The following FAM89B variants were observed in gnomAD, a reference collection of about 807,000 sequenced individuals.
FAM89B encodes the protein leucine repeat adapter protein 25.
In FAM89B, 9 loss-of-function variants were observed where a neutral mutation model predicts 13.4. The ratio of observed to expected loss-of-function variants is 0.67; its 90% CI spans 0.40 to 1.17. The LOEUF (loss-of-function observed/expected upper bound fraction) is 1.17. FAM89B is among the 50% of genes most tolerant of loss of function. FAM89B has a pLI of 0.01. For synonymous variants in FAM89B, 138 were observed against 121.2 expected (o/e 1.14, Z -0.91); for missense variants, 256 against 256.1 (o/e 1.00, Z 0.00).
At chr11:65,572,990 C>CG (rs1206686276) in intron 1 of FAM89B, 30 bp downstream of exon 1, 5 of 1,226,368 alleles carry the variant, frequency 4.1e-6, no homozygotes, top group East Asian at 3.2e-5. Flanking sequence ...GCCAGCTGGG[C>CG]GGGGGGCTGA....
At position 65,572,891 on chromosome 11, in the gene FAM89B, G is replaced by T. The variant is rs1166806360; in HGVS notation, c.222G>T (p.Ala74=). 4 of 1,210,344 alleles carry T rather than the reference G, an allele frequency of 3.3e-6. No individual in the cohort carries two copies. Among genetic ancestry groups the T allele is most frequent in the Non-Finnish European group, 4.1e-6 (4 of 977,536 alleles). The allele number at this position is 1,210,344 out of a possible 1,614,324, so 75.0% of individuals were successfully genotyped here. A position where few individuals can be genotyped will look rare whatever the true frequency, so the allele number is the denominator to read the frequency against. ...GPRHAAGAAN[A]GPAAGPRRPV... is the part of the protein sequence containing the mutation. ...GCCACGCCGCCGGCGCCGCCAACGC[G>T]GGACCCGCAGCCGGCCCGCGTCGTC... The change falls in exon 1 of 2, where the codon GCG becomes GCT. Residue 74 remains alanine, a synonymous_variant. Transcript: ENST00000530349.
rs943395701 is a variant in FAM89B, at chr11:65,573,613, T to C, written c.542T>C (p.Leu181Pro). 6.2e-7 allele frequency: 1 copy of C among 1,609,868 alleles called. No homozygotes were observed. Among genetic ancestry groups the C allele is most frequent in the Non-Finnish European group, 8.5e-7 (1 of 1,179,556 alleles). ...PQTHNARDQW[L>P]QDAFHISL is the part of the protein sequence containing the mutation. ...ACGCACAATGCCCGTGACCAGTGGC[T>C]GCAGGATGCCTTCCACATCAGCCTC... Residue 181 changes from leucine to proline, a missense_variant, in exon 2 of 2, where the codon CTG becomes CCG. Coordinates refer to ENST00000530349, the MANE Select transcript of FAM89B (RefSeq NM_001098785.2).
At chr11:65,573,257 T>A in intron 1 of FAM89B, 106 bp from the exon 2 acceptor site, 1 of 1,335,588 alleles carries the variant, frequency 7.5e-7, no homozygotes, top group Non-Finnish European at 9.8e-7. Flanking sequence ...AAAAACTTCG[T>A]TTAGGAAGGT....
Position 65,573,461 on chromosome 11 carries a change from C to T in FAM89B, c.390C>T (p.Phe130=). The change falls in exon 2 of 2, where the codon TTC becomes TTT. Residue 130 remains phenylalanine (F), a synonymous_variant. Coordinates refer to ENST00000530349, the MANE Select transcript of FAM89B (RefSeq NM_001098785.2). Reference sequence around the variant, plus strand: ...AACACCTGTGCCAAGACCTGAGCTTCTGCCAGGACCTGTCATCCTCCCTCC... The same window carrying T: ...AACACCTGTGCCAAGACCTGAGCTTTTGCCAGGACCTGTCATCCTCCCTCC... ...DYKHLCQDLS[F]CQDLSSSLHS... is the part of the protein sequence containing the mutation. 6.2e-7 allele frequency: 1 copy of T among 1,614,082 alleles called. No homozygotes were observed. The highest frequency in any genetic ancestry group is 8.5e-7 in the Non-Finnish European group (1 of 1,179,942).
rs1857170160 is a variant in FAM89B, at chr11:65,573,533, G to A, written c.462G>A (p.Glu154=). 1 of 1,613,966 alleles carries A rather than the reference G, an allele frequency of 6.2e-7. No individual in the cohort carries two copies. Among genetic ancestry groups the A allele is most frequent in the Non-Finnish European group, 8.5e-7 (1 of 1,180,034 alleles). Residue 154 remains glutamate (E), a synonymous_variant, in exon 2 of 2, where the codon GAG becomes GAA. Coordinates refer to ENST00000530349, the MANE Select transcript of FAM89B (RefSeq NM_001098785.2). The part of the protein sequence containing the change: ...YPPDAGLSDD[E]EPPDASLPPD... ...CGGATGCGGGCCTGTCTGACGACGA[G>A]GAGCCTCCCGATGCCAGCCTGCCTC...
Position 65,574,006 on chromosome 11 carries a change from T to G in FAM89B, c.*365T>G. The stretch of plus-strand genomic sequence containing the variant: ...GCTCCCATCTCCTCCTCACCTTTTG[T>G]TGCTATCGGCAGCTGCTGGCTCAGG... On this transcript the variant is annotated 3_prime_UTR_variant, in exon 2 of 2. Transcript: ENST00000530349. The G allele has an allele frequency of 5.1e-6, 1 of 196,370 alleles. No individual in the cohort carries two copies. Among genetic ancestry groups the G allele is most frequent in the Non-Finnish European group, 1.0e-5 (1 of 95,474 alleles). 12.2% of individuals were successfully genotyped at this position (196,370 alleles called of 1,614,324 possible). A position where few individuals can be genotyped will look rare whatever the true frequency, so the allele number is the denominator to read the frequency against.
Position 65,572,866 on chromosome 11 carries a change from G to T in FAM89B, c.197G>T (p.Arg66Leu). Reference protein sequence around the residue: ...SRAARAPDGPRHAAGAANAGP... With the variant: ...SRAARAPDGPLHAAGAANAGP... ...GCCGCCCGCGCCCCGGACGGGCCCC[G>T]CCACGCCGCCGGCGCCGCCAACGCG... The change falls in exon 1 of 2, where the codon CGC (arginine) becomes CTC (leucine). Residue 66 changes from arginine to leucine, a missense_variant. Arg to Leu is a moderately radical substitution (Grantham distance 102). Coordinates refer to ENST00000530349, the MANE Select transcript of FAM89B (RefSeq NM_001098785.2). 1 of 1,196,494 alleles carries T rather than the reference G, an allele frequency of 8.4e-7. No homozygotes were observed. The highest frequency in any genetic ancestry group is 3.6e-5 in the East Asian group (1 of 27,424). The allele number at this position is 1,196,494 out of a possible 1,614,324, so 74.1% of individuals were successfully genotyped here. A position where few individuals can be genotyped will look rare whatever the true frequency, so the allele number is the denominator to read the frequency against.
rs1052709858 is a variant in FAM89B at position 65,572,662 on chromosome 11, C to T, written c.-8C>T. 2 of 1,171,380 alleles carry T rather than the reference C, an allele frequency of 1.7e-6. No individual in the cohort carries two copies. The highest frequency in any genetic ancestry group is 2.1e-6 in the Non-Finnish European group (2 of 951,326). The allele number at this position is 1,171,380 out of a possible 1,614,324, so 72.6% of individuals were successfully genotyped here. A position where few individuals can be genotyped will look rare whatever the true frequency, so the allele number is the denominator to read the frequency against. ...GAGGTGGCATCGCCGTCCGCGCCGG[C>T]CCCGGCCATGAACGGGCTGCCCTCG... On this transcript the variant is annotated 5_prime_UTR_variant, in exon 1 of 2. Coordinates refer to ENST00000530349, the MANE Select transcript of FAM89B (RefSeq NM_001098785.2).
chr11:65,572,563 G>C lies in FAM89B; in HGVS notation c.-107G>C. On this transcript the variant is annotated 5_prime_UTR_variant, in exon 1 of 2. Coordinates refer to ENST00000530349, the MANE Select transcript of FAM89B (RefSeq NM_001098785.2). ...AAGGAACAAAGCGAGGCCTGCGGGC[G>C]GCGGCTGGGCTCCGGCGGGGCCGCG... 1 of 1,432,932 alleles carries C rather than the reference G, an allele frequency of 7.0e-7. No homozygotes were observed. Among genetic ancestry groups the C allele is most frequent in the Admixed American group, 2.2e-5 (1 of 45,236 alleles). The allele number at this position is 1,432,932 out of a possible 1,614,324, so 88.8% of individuals were successfully genotyped here.
At position 65,573,416 on chromosome 11, in the gene FAM89B, C is replaced by G. The variant is rs142713898; in HGVS notation, c.345C>G (p.Tyr115Ter). Reference protein sequence around the residue: ...MSLLCQLWGLYESIQDYKHLC... With the variant: ...MSLLCQLWGL ...TGTTGTGCCAGCTGTGGGGCCTGTA[C>G]GAGTCAATCCAGGACTACAAACACC... The change falls in exon 2 of 2, where the codon TAC (tyrosine) becomes TAG (stop). Residue 115 changes from tyrosine to a stop codon, truncating the protein, a stop_gained. Coordinates refer to ENST00000530349, the MANE Select transcript of FAM89B (RefSeq NM_001098785.2). LOFTEE classifies it high-confidence loss of function. 1.2e-6 allele frequency: 2 copies of G among 1,602,574 alleles called. No homozygotes were observed. The highest frequency in any genetic ancestry group is 1.7e-6 in the Non-Finnish European group (2 of 1,171,548).
Position 65,573,734 on chromosome 11 carries a change from C to A in FAM89B, c.*93C>A, listed in dbSNP as rs112380292. ...AGACTTCGGAGCCTGCGCCTTCCCC[C>A]CTACCGCCTCACCTCACAGGAGGGC... On this transcript the variant is annotated 3_prime_UTR_variant, in exon 2 of 2. Transcript: ENST00000530349. 28 of 1,409,790 alleles carry A rather than the reference C, an allele frequency of 2.0e-5. No homozygotes were observed. The highest frequency in any genetic ancestry group is 1.7e-4 in the African/African-American group (12 of 70,034). 87.3% of individuals were successfully genotyped at this position (1,409,790 alleles called of 1,614,324 possible).
Position 65,573,502 on chromosome 11 carries a change from A to T in FAM89B, c.431A>T (p.Tyr144Phe). ...LSSSLHSDSS[Y>F]PPDAGLSDDE... ...TCCTCCCTCCATTCGGACAGCTCCT[A>T]CCCACCGGATGCGGGCCTGTCTGAC... The change falls in exon 2 of 2, where the codon TAC becomes TTC. Residue 144 changes from tyrosine to phenylalanine, a missense_variant. Physicochemically the swap from Tyr to Phe is conservative, Grantham distance 22 (BLOSUM62 3). Transcript: ENST00000530349. The T allele has an allele frequency of 6.2e-7, 1 of 1,614,092 alleles. No individual in the cohort carries two copies.
At position 65,573,283 on chromosome 11, in the gene FAM89B, T is replaced by G. The variant is rs186744049; in HGVS notation, c.292-80T>G. 18 of 1,373,898 alleles carry G rather than the reference T, an allele frequency of 1.3e-5. No homozygotes were observed. The African/African-American group carries it at 2.6e-4, about 20-fold the overall frequency. 85.1% of individuals were successfully genotyped at this position (1,373,898 alleles called of 1,614,324 possible). A position where few individuals can be genotyped will look rare whatever the true frequency, so the allele number is the denominator to read the frequency against. On this transcript the variant is annotated intron_variant, in intron 1 of 1. Transcript: ENST00000530349. The stretch of plus-strand genomic sequence containing the variant: ...TTAGGAAGGTGCGGGGAAGATGGGC[T>G]GGGGCCCACTATTCCAGGGGGCGGG...
chr11:65,572,833 T>A lies in FAM89B; in HGVS notation c.164T>A (p.Leu55Gln), dbSNP rs1247619396. The part of the protein sequence containing the change: ...YSQRSRIHDE[L>Q]SRAARAPDGP... ...CAGCGCAGCCGCATCCACGACGAGCTGAGCCGCGCCGCCCGCGCCCCGGAC... is the reference window on the plus strand; with the variant it reads ...CAGCGCAGCCGCATCCACGACGAGCAGAGCCGCGCCGCCCGCGCCCCGGAC... Residue 55 changes from leucine to glutamine, a missense_variant, in exon 1 of 2, where the codon CTG becomes CAG. Physicochemically the swap from Leu to Gln is moderately radical, Grantham distance 113. Transcript: ENST00000530349. 8.4e-7 allele frequency: 1 copy of A among 1,196,694 alleles called. No homozygotes were observed. The highest frequency in any genetic ancestry group is 1.6e-5 in the African/African-American group (1 of 62,160). The allele number at this position is 1,196,694 out of a possible 1,614,324, so 74.1% of individuals were successfully genotyped here.
Position 65,572,603 on chromosome 11 carries a change from C to T in FAM89B, c.-67C>T. The T allele has an allele frequency of 8.2e-7, 1 of 1,217,990 alleles. No homozygotes were observed. Among genetic ancestry groups the T allele is most frequent in the South Asian group, 3.7e-5 (1 of 27,174 alleles). The allele number at this position is 1,217,990 out of a possible 1,614,324, so 75.4% of individuals were successfully genotyped here. A position where few individuals can be genotyped will look rare whatever the true frequency, so the allele number is the denominator to read the frequency against. ...GCGGGGCCGCGGGGTGCGGGGCCTG[C>T]GGGCGGCGGCCCGGGCGGAGCGTTG... is the stretch of plus-strand genomic sequence containing the variant. On this transcript the variant is annotated 5_prime_UTR_variant, in exon 1 of 2. Transcript: ENST00000530349.
rs930114907 is a variant in FAM89B, at chr11:65,573,970, A to C, written c.*329A>C. The C allele has an allele frequency of 3.7e-6, 1 of 271,626 alleles. No homozygotes were observed. The highest frequency in any genetic ancestry group is 6.8e-5 in the South Asian group (1 of 14,664). The allele number at this position is 271,626 out of a possible 1,614,324, so 16.8% of individuals were successfully genotyped here. Reference sequence around the variant, plus strand: ...TCCGCTTGGCGTCTCTGGGATTGGGATGAGTGCCTGGCTCCCATCTCCTCC... The same window carrying C: ...TCCGCTTGGCGTCTCTGGGATTGGGCTGAGTGCCTGGCTCCCATCTCCTCC... On this transcript the variant is annotated 3_prime_UTR_variant, in exon 2 of 2. Coordinates refer to ENST00000530349, the MANE Select transcript of FAM89B (RefSeq NM_001098785.2).
rs1051879804 is a variant in FAM89B at position 65,573,565 on chromosome 11, C to T, written c.494C>T (p.Pro165Leu). The T allele has an allele frequency of 1.2e-6, 2 of 1,613,590 alleles. No homozygotes were observed. The highest frequency in any genetic ancestry group is 1.3e-5 in the African/African-American group (1 of 74,924). Residue 165 changes from proline (P) to leucine (L), a missense_variant, in exon 2 of 2, where the codon CCG becomes CTG. Pro to Leu is a moderately conservative substitution (Grantham distance 98). Coordinates refer to ENST00000530349, the MANE Select transcript of FAM89B (RefSeq NM_001098785.2). ...EPPDASLPPD[P>L]PPLTVPQTHN... ...CCCGATGCCAGCCTGCCTCCTGACCCGCCACCCCTTACTGTGCCCCAGACG... is the reference window on the plus strand; with the variant it reads ...CCCGATGCCAGCCTGCCTCCTGACCTGCCACCCCTTACTGTGCCCCAGACG...
Position 65,572,935 on chromosome 11 carries a change from C to A in FAM89B, c.266C>A (p.Ala89Glu). 1 of 1,220,962 alleles carries A rather than the reference C, an allele frequency of 8.2e-7. No individual in the cohort carries two copies. Among genetic ancestry groups the A allele is most frequent in the South Asian group, 4.0e-5 (1 of 24,998 alleles). The allele number at this position is 1,220,962 out of a possible 1,614,324, so 75.6% of individuals were successfully genotyped here. ...CGTCGTCCTGTCAACCTCGACTCAG[C>A]GCTGGCCGCGCTGCGCAAGGAGATG... is the stretch of plus-strand genomic sequence containing the variant. ...GPRRPVNLDS[A>E]LAALRKEMVG... The change falls in exon 1 of 2, where the codon GCG becomes GAG. Residue 89 changes from alanine (A) to glutamate (E), a missense_variant. Physicochemically the swap from Ala to Glu is moderately radical, Grantham distance 107. Transcript: ENST00000530349.
chr11:65,573,373 G>A lies in FAM89B; in HGVS notation c.302G>A (p.Arg101Gln). The A allele has an allele frequency of 6.4e-7, 1 of 1,555,822 alleles. No individual in the cohort carries two copies. The highest frequency in any genetic ancestry group is 8.7e-7 in the Non-Finnish European group (1 of 1,144,252). The change falls in exon 2 of 2, where the codon CGG becomes CAG. Residue 101 changes from arginine to glutamine, a missense_variant. By Grantham distance (43) the Arg-to-Gln change is conservative. Coordinates refer to ENST00000530349, the MANE Select transcript of FAM89B (RefSeq NM_001098785.2). ...CTCAGTTGTCTGCAGGTGGGGCTGC[G>A]GCAGTTGGACATGTCCTTGTTGTGC... is the stretch of plus-strand genomic sequence containing the variant. ...AALRKEMVGL[R>Q]QLDMSLLCQL...
Sources: gnomAD v4.1 joint callset for allele counts on GRCh38, gnomAD v4.1.1 for gene constraint, MANE v1.5 for transcripts, NCBI Gene and HGNC (gene_info 2026-07-23, HGNC 2026-07-21) for gene names.